Variants in KDM4C observed in about 807,000 individuals in gnomAD.
The protein encoded by KDM4C is lysine-specific demethylase 4C.
A neutral mutation model predicts 129.3 loss-of-function variants in KDM4C; 81 were observed. The ratio of observed to expected loss-of-function variants is 0.63; its 90% CI spans 0.52 to 0.75. KDM4C has a LOEUF of 0.75. KDM4C is among the 30% of genes least tolerant of loss of function. KDM4C has a pLI of 0.00. For missense variants in KDM4C, 1,457 were observed against 1,304.0 expected (o/e 1.12, Z -1.81); for synonymous variants, 573 against 456.1 (o/e 1.26, Z -3.26).
intron 19 of KDM4C, among the ~76,000 whole-genome samples, chr9:7,144,885 C>T (rs776903530): frequency 6.6e-6 from 1 of 152,242 alleles, no homozygotes; most frequent in East Asian, 1.9e-4. Flanking sequence ...CAATCTTTGA[C>T]GTATTTTTAG....
chr9:7,006,239 C>T (rs145291194), intron 12 of KDM4C, among the ~76,000 whole-genome samples: 3 of 152,246 alleles, frequency 2.0e-5, no homozygotes, highest in African/African-American at 4.8e-5. Flanking sequence ...TTTCAGCAAG[C>T]CTGACTTTCT....
At chr9:7,161,056 C>T (rs921200335) in intron 19 of KDM4C, among the ~76,000 whole-genome samples, 1 of 152,230 alleles carries the variant, frequency 6.6e-6, no homozygotes, top group African/African-American at 2.4e-5. Flanking sequence ...TCTCCCCCAA[C>T]CAGGCTGCCA....
chr9:7,153,349 C>A (rs989732738), intron 19 of KDM4C, among the ~76,000 whole-genome samples: 2 of 152,106 alleles, frequency 1.3e-5, no homozygotes, highest in Admixed American at 6.5e-5. Flanking sequence ...CAGAGTAGCC[C>A]CCTTGAGAGG....
intron 18 of KDM4C, among the ~76,000 whole-genome samples, chr9:7,117,626 T>TACACACACAC (rs71315578): frequency 1.8e-3 from 268 of 147,022 alleles, no homozygotes; most frequent in East Asian, 8.4e-3. Context: ...TGTTAATTTC[T>TACACACACAC]ACACACACAC....
chr9:6,944,689 G>T (rs1229095703), intron 8 of KDM4C, among the ~76,000 whole-genome samples: 1 of 89,170 alleles, frequency 1.1e-5, no homozygotes, highest in African/African-American at 4.0e-5. Context: ...CTGTGCAACA[G>T]GGGAAACAGC....
intron 8 of KDM4C, among the ~76,000 whole-genome samples, chr9:6,935,917 G>A (rs975587323): frequency 3.3e-5 from 5 of 152,144 alleles, no homozygotes; most frequent in Admixed American, 6.5e-5. Flanking sequence ...ATGAAAAGTA[G>A]ATGAAAGAAT....
chr9:6,908,306 A>T (rs948316791), intron 8 of KDM4C, among the ~76,000 whole-genome samples: 3 of 152,180 alleles, frequency 2.0e-5, no homozygotes, highest in African/African-American at 7.2e-5. Flanking sequence ...AATCTATTGC[A>T]AACTGTTAAT....
At chr9:6,876,793 A>G (rs1417780896) in intron 5 of KDM4C, among the ~76,000 whole-genome samples, 1 of 152,170 alleles carries the variant, frequency 6.6e-6, no homozygotes, top group Non-Finnish European at 1.5e-5. Flanking sequence ...GCCTACACAC[A>G]TAGACTGCAG....
chr9:6,994,791 A>G (rs967784857), intron 12 of KDM4C, among the ~76,000 whole-genome samples: 3 of 152,238 alleles, frequency 2.0e-5, no homozygotes, highest in African/African-American at 7.2e-5. Flanking sequence ...AATTACCAAT[A>G]TAAATGTGAT....
intron 6 of KDM4C, among the ~76,000 whole-genome samples, chr9:6,887,496 G>A (rs1190999236): frequency 1.3e-5 from 2 of 152,156 alleles, no homozygotes; most frequent in African/African-American, 2.4e-5. Context: ...CAGAAAGGTG[G>A]GGGAACTACT....
At chr9:7,174,034 G>C (rs1845214116) in intron 21 of KDM4C, among the ~76,000 whole-genome samples, 1 of 152,216 alleles carries the variant, frequency 6.6e-6, no homozygotes, top group South Asian at 2.1e-4. Context: ...AGAAGGAGAA[G>C]CAGGAGAGTG....
At chr9:7,144,520 A>T (rs1051156803) in intron 19 of KDM4C, among the ~76,000 whole-genome samples, 8 of 152,134 alleles carry the variant, frequency 5.3e-5, no homozygotes, top group African/African-American at 1.9e-4. Flanking sequence ...TCAACTGGGG[A>T]CATTGGCCTA....
In KDM4C at chr9:6,993,087, A is replaced by G. The variant is rs186680328; in HGVS notation, c.1786+2563A>G. The stretch of plus-strand genomic sequence containing the variant: ...GACTGGTGGCACATCCTGTAATTAC[A>G]GGATCAGGAAGGACTTCGTGACTCC... On this transcript the variant is annotated intron_variant, in intron 12 of 21. Coordinates refer to ENST00000381309, the MANE Select transcript of KDM4C (RefSeq NM_015061.6). Among the ~76,000 whole-genome samples the G allele has an allele frequency of 1.8e-4, 28 of 152,308 alleles. No homozygotes were observed. In the East Asian group the frequency reaches 5.2e-3, roughly 28 times the overall value.
chr9:6,911,907 C>T (rs888968841), intron 8 of KDM4C, among the ~76,000 whole-genome samples: 1 of 152,132 alleles, frequency 6.6e-6, no homozygotes, highest in Non-Finnish European at 1.5e-5. Flanking sequence ...CTGGTTCTGG[C>T]TTCTTAGGTC....
intron 1 of KDM4C, among the ~76,000 whole-genome samples, chr9:6,742,361 A>T (rs965893355): frequency 1.3e-5 from 2 of 152,088 alleles, no homozygotes; most frequent in Admixed American, 1.3e-4. Flanking sequence ...GTTTGATTGC[A>T]ATCTATCTCA....
chr9:6,945,132 G>A (rs1448161875), intron 8 of KDM4C, among the ~76,000 whole-genome samples: 2 of 152,030 alleles, frequency 1.3e-5, no homozygotes, highest in African/African-American at 2.4e-5. Flanking sequence ...GCACGAACCC[G>A]TGGACCCGCA....
At chr9:6,972,514 T>C (rs1832174307) in intron 8 of KDM4C, among the ~76,000 whole-genome samples, 1 of 152,178 alleles carries the variant, frequency 6.6e-6, no homozygotes, top group African/African-American at 2.4e-5. Context: ...AATTCAAAAT[T>C]ATCTGCTTAG....
At chr9:6,776,558 G>A (rs1265479717) in intron 1 of KDM4C, among the ~76,000 whole-genome samples, 6 of 147,596 alleles carry the variant, frequency 4.1e-5, no homozygotes, top group African/African-American at 1.5e-4. Flanking sequence ...TCTTTCTTTG[G>A]CTCAAGTCCC....
At chr9:6,984,438 G>C in intron 10 of KDM4C, 34 bp downstream of exon 10, 1 of 1,359,824 alleles carries the variant, frequency 7.4e-7, no homozygotes. Context: ...TCACATATAA[G>C]TAGTAGGTGG....
Sources: allele counts gnomAD v4.1 joint callset (sites outside exome capture counted in the v4.1 genomes callset), GRCh38; gene constraint gnomAD v4.1.1; transcripts MANE v1.5; gene names NCBI Gene and HGNC (gene_info 2026-07-23, HGNC 2026-07-21).